The following MYO1D variants were observed in gnomAD, a reference collection of about 807,000 sequenced individuals.
MYO1D encodes the protein unconventional myosin-Id.
MYO1D carries 83 observed loss-of-function variants against 122.0 expected under a neutral mutation model. The observed-to-expected ratio is 0.68, with a 90% CI of 0.57 to 0.82. The LOEUF (loss-of-function observed/expected upper bound fraction) is 0.82, where lower values mean the gene tolerates loss of function less well. MYO1D is among the 40% of genes least tolerant of loss of function. The pLI is 0.00. For synonymous variants in MYO1D, 464 were observed against 446.9 expected (o/e 1.04, Z -0.48); for missense variants, 1,157 against 1,269.5 (o/e 0.91, Z 1.35).
chr17:32,613,547 G>T (rs144632455), intron 20 of MYO1D, among the ~76,000 whole-genome samples: 1 of 151,952 alleles, frequency 6.6e-6, no homozygotes, highest in East Asian at 1.9e-4. Flanking sequence ...AGGCCGAGGT[G>T]GGCAGATCAC....
rs2089989727 is a variant in MYO1D at position 32,760,472 on chromosome 17, T to G, written c.1181+10A>C. ...AGGCAACAAGGTTTTAAGTATCTTT[T>G]CCAGTTTACCTGTTGTTGTCAAAGA... On this transcript the variant is annotated intron_variant, in intron 9 of 21. Coordinates refer to ENST00000318217, the MANE Select transcript of MYO1D (RefSeq NM_015194.3). 1.2e-6 allele frequency: 2 copies of G among 1,610,896 alleles called. No homozygotes were observed. Among genetic ancestry groups the G allele is most frequent in the Non-Finnish European group, 1.7e-6 (2 of 1,178,232 alleles).
chr17:32,810,748 A>C (rs2090563796), intron 1 of MYO1D, among the ~76,000 whole-genome samples: 1 of 152,208 alleles, frequency 6.6e-6, no homozygotes, highest in Non-Finnish European at 1.5e-5. Context: ...CAGTGCTGGG[A>C]TTACAGGCGT....
At chr17:32,571,044 A>C (rs890154440) in intron 21 of MYO1D, among the ~76,000 whole-genome samples, 1 of 152,122 alleles carries the variant, frequency 6.6e-6, no homozygotes, top group Admixed American at 6.5e-5. Context: ...GGGGACTCAG[A>C]AGTCACAAGA....
intron 1 of MYO1D, among the ~76,000 whole-genome samples, chr17:32,814,821 G>A (rs767151867): frequency 1.3e-5 from 2 of 152,184 alleles, no homozygotes; most frequent in Non-Finnish European, 2.9e-5. Context: ...CAATACAAAC[G>A]TTTCTGTGGG....
intron 21 of MYO1D, among the ~76,000 whole-genome samples, chr17:32,579,773 A>C (rs2087312950): frequency 6.6e-6 from 1 of 152,188 alleles, no homozygotes; most frequent in East Asian, 1.9e-4. Context: ...GGCTTCTTTC[A>C]CCAGGCAAAA....
chr17:32,661,752 C>G (rs1324758047), intron 16 of MYO1D, among the ~76,000 whole-genome samples: 1 of 152,074 alleles, frequency 6.6e-6, no homozygotes, highest in Non-Finnish European at 1.5e-5. Flanking sequence ...GGAGATTTAG[C>G]TCTCTCACCA....
At chr17:32,536,956 T>C (rs113381585) in intron 21 of MYO1D, among the ~76,000 whole-genome samples, 18 of 152,198 alleles carry the variant, frequency 1.2e-4, no homozygotes, top group South Asian at 1.0e-3. Flanking sequence ...ATTTTTGGAG[T>C]TGAAAGGCCA....
chr17:32,674,189 G>A lies in MYO1D; in HGVS notation c.2122-14851C>T, dbSNP rs193263586. Among the ~76,000 whole-genome samples the A allele has an allele frequency of 4.2e-4, 64 of 152,178 alleles. 1 individual carries two copies. The highest frequency in any genetic ancestry group is 7.8e-4 in the Admixed American group (12 of 15,294). On this transcript the variant is annotated intron_variant, in intron 16 of 21. Transcript: ENST00000318217. ...GGTGGAGTGGAAACGGCCCTACTTT[G>A]GAGGAAGAGGCAAGCATTTCCCACC...
chr17:32,725,746 G>A (rs1250600290), intron 14 of MYO1D, among the ~76,000 whole-genome samples: 1 of 151,794 alleles, frequency 6.6e-6, no homozygotes, highest in Non-Finnish European at 1.5e-5. Context: ...TAAAAAAAAG[G>A]GGAGCTACAA....
At chr17:32,633,018 T>C (rs1215651526) in intron 20 of MYO1D, among the ~76,000 whole-genome samples, 1 of 150,592 alleles carries the variant, frequency 6.6e-6, no homozygotes, top group Non-Finnish European at 1.5e-5. Flanking sequence ...AAAAACATAC[T>C]ACCAAACTAC....
chr17:32,818,737 G>T (rs1284917715), intron 1 of MYO1D, among the ~76,000 whole-genome samples: 2 of 152,162 alleles, frequency 1.3e-5, no homozygotes, highest in Non-Finnish European at 2.9e-5. Context: ...TTCCTCATCT[G>T]TAAGGAAGGG....
intron 16 of MYO1D, among the ~76,000 whole-genome samples, chr17:32,676,047 GT>G (rs2088804296): frequency 6.6e-6 from 1 of 152,078 alleles, no homozygotes; most frequent in Non-Finnish European, 1.5e-5. Context: ...TATTTCTGAT[GT>G]TTTCTCTTTT....
chr17:32,545,935 T>C (rs2086961838), intron 21 of MYO1D, among the ~76,000 whole-genome samples: 1 of 152,158 alleles, frequency 6.6e-6, no homozygotes, highest in Non-Finnish European at 1.5e-5. Context: ...CTTGGGAGTA[T>C]GCATCTGAAG....
At chr17:32,731,676 T>C (rs933629506) in intron 14 of MYO1D, among the ~76,000 whole-genome samples, 7 of 152,230 alleles carry the variant, frequency 4.6e-5, no homozygotes, top group Admixed American at 3.3e-4. Flanking sequence ...GTGTGCTCCG[T>C]GGAGCTGGCA....
rs193144112 is a variant in MYO1D at position 32,849,860 on chromosome 17, G to A, written c.95+26918C>T. On this transcript the variant is annotated intron_variant, in intron 1 of 21. Transcript: ENST00000318217. ...ATCTTACAGCTGTAAAAATAAGTTT[G>A]AAGCCCAAATTGTGGACTTTTGTGT... is the stretch of plus-strand genomic sequence containing the variant. 1.1e-4 allele frequency among the ~76,000 whole-genome samples: 17 copies of A among 152,216 alleles called. 1 individual carries two copies. Among genetic ancestry groups the A allele is most frequent in the Admixed American group, 9.2e-4 (14 of 15,296 alleles).
chr17:32,743,843 C>A (rs1203182128), intron 13 of MYO1D, among the ~76,000 whole-genome samples: 1 of 151,852 alleles, frequency 6.6e-6, no homozygotes, highest in African/African-American at 2.4e-5. Context: ...TGGTTTCAAT[C>A]TCCTGACCTT....
At chr17:32,609,158 T>TA (rs1195435572) in intron 20 of MYO1D, among the ~76,000 whole-genome samples, 8 of 152,204 alleles carry the variant, frequency 5.3e-5, no homozygotes, top group African/African-American at 1.9e-4. Flanking sequence ...CCTATAAATT[T>TA]AAAAAATTGC....
At chr17:32,865,748 A>T (rs1173485694) in intron 1 of MYO1D, among the ~76,000 whole-genome samples, 20 of 152,332 alleles carry the variant, frequency 1.3e-4, no homozygotes. Flanking sequence ...GGATAATTGT[A>T]ACTAGTCCCA....
At chr17:32,496,477 G>A (rs1018608054) in intron 21 of MYO1D, among the ~76,000 whole-genome samples, 6 of 152,222 alleles carry the variant, frequency 3.9e-5, no homozygotes, top group South Asian at 2.1e-4. Context: ...AAAAATAGCA[G>A]AGCCCAGCAG....
Sources: gnomAD v4.1 joint callset for allele counts (sites outside exome capture counted in the v4.1 genomes callset) on GRCh38, gnomAD v4.1.1 for gene constraint, MANE v1.5 for transcripts, NCBI Gene and HGNC (gene_info 2026-07-23, HGNC 2026-07-21) for gene names.